BBS9: variants seen among roughly 807,000 people sequenced by gnomAD.
BBS9 encodes the protein protein PTHB1.
In BBS9, 89 loss-of-function variants were observed where a neutral mutation model predicts 117.7. That is an observed-to-expected ratio of 0.76 (90% confidence interval 0.64 to 0.90). The LOEUF (loss-of-function observed/expected upper bound fraction) is 0.90, where lower values mean the gene tolerates loss of function less well. Among genes scored for constraint, BBS9 ranks in the 40% least tolerant of loss-of-function variants. BBS9 has a pLI of 0.00. For missense variants in BBS9, 982 were observed against 1,042.2 expected (o/e 0.94, Z 0.80); for synonymous variants, 379 against 370.9 (o/e 1.02, Z -0.25).
At chr7:33,378,706 G>C (rs1482507170) in intron 17 of BBS9, among the ~76,000 whole-genome samples, 1 of 152,230 alleles carries the variant, frequency 6.6e-6, no homozygotes, top group African/African-American at 2.4e-5. Context: ...TGGAGGAAGA[G>C]TTTGGGGCAC....
intron 21 of BBS9, among the ~76,000 whole-genome samples, chr7:33,557,454 A>G (rs1855461895): frequency 6.6e-6 from 1 of 152,216 alleles, no homozygotes. Context: ...TAAAATGCTC[A>G]AAGGTACCAT....
intron 17 of BBS9, among the ~76,000 whole-genome samples, chr7:33,376,113 A>G (rs1270836767): frequency 6.6e-6 from 1 of 151,950 alleles, no homozygotes; most frequent in African/African-American, 2.4e-5. Context: ...TGCTGTACAG[A>G]TTACTTTTCT....
chr7:33,380,261 C>A (rs1824731838), intron 17 of BBS9: 1 of 175,082 alleles, frequency 5.7e-6, no homozygotes, highest in Non-Finnish European at 1.2e-5. Context: ...CTCCCAACTA[C>A]AAGCTCCACC....
intron 5 of BBS9, among the ~76,000 whole-genome samples, chr7:33,206,139 G>A (rs1786873192): frequency 6.6e-6 from 1 of 152,150 alleles, no homozygotes; most frequent in Non-Finnish European, 1.5e-5. Flanking sequence ...GAGCAAACCA[G>A]TCCCCAAATC....
At chr7:33,624,098 A>G (rs1005797894) in intron 21 of BBS9, among the ~76,000 whole-genome samples, 1 of 152,208 alleles carries the variant, frequency 6.6e-6, no homozygotes, top group Non-Finnish European at 1.5e-5. Context: ...GATTCTGATA[A>G]ATTTCAGCCC....
intron 21 of BBS9, among the ~76,000 whole-genome samples, chr7:33,596,969 A>C (rs1027046586): frequency 6.6e-6 from 1 of 152,080 alleles, no homozygotes; most frequent in Non-Finnish European, 1.5e-5. Flanking sequence ...AATATTTGAA[A>C]CAACTGGAAA....
downstream of BBS9, among the ~76,000 whole-genome samples, chr7:33,610,902 T>A (rs1864821030): frequency 6.6e-6 from 1 of 152,114 alleles, no homozygotes; most frequent in African/African-American, 2.4e-5. Context: ...TGTGGAGAGA[T>A]GTTTCACCTT....
intron 4 of BBS9, among the ~76,000 whole-genome samples, chr7:33,177,263 TTGTCTAATGG>T (rs1454782426): frequency 1.2e-4 from 19 of 152,146 alleles, no homozygotes; most frequent in Non-Finnish European, 2.8e-4. Context: ...GGGTAATATT[TTGTCTAATGG>T]TGTAATTTAG....
chr7:33,558,356 C>A (rs116030280), intron 21 of BBS9, among the ~76,000 whole-genome samples: 2 of 151,854 alleles, frequency 1.3e-5, no homozygotes, highest in Non-Finnish European at 2.9e-5. Flanking sequence ...GGTGGGGGCA[C>A]GTGAGGTGAG....
intron 5 of BBS9, among the ~76,000 whole-genome samples, chr7:33,193,804 T>G (rs1488931792): frequency 6.6e-6 from 1 of 152,218 alleles, no homozygotes; most frequent in African/African-American, 2.4e-5. Context: ...ACCTGTTATC[T>G]TGGAAGGCTG....
At chr7:33,410,672 C>A (rs978416992) in intron 19 of BBS9, among the ~76,000 whole-genome samples, 9 of 152,146 alleles carry the variant, frequency 5.9e-5, no homozygotes, top group African/African-American at 1.9e-4. Flanking sequence ...TTAAGATCAA[C>A]CCTTCCCTTG....
intron 4 of BBS9, among the ~76,000 whole-genome samples, chr7:33,159,507 G>T (rs1794538141): frequency 1.3e-5 from 2 of 152,130 alleles, no homozygotes; most frequent in South Asian, 4.1e-4. Flanking sequence ...TTTTGGCTTG[G>T]TCTTGTCTGT....
At chr7:33,327,300 A>G (rs182207599) in intron 9 of BBS9, among the ~76,000 whole-genome samples, 38 of 152,342 alleles carry the variant, frequency 2.5e-4, no homozygotes, top group Non-Finnish European at 4.4e-4. Context: ...CCGGAGGATT[A>G]TAAGGTAACA....
chr7:33,267,156 A>G (rs1395090833), intron 7 of BBS9, among the ~76,000 whole-genome samples: 1 of 152,160 alleles, frequency 6.6e-6, no homozygotes, highest in Non-Finnish European at 1.5e-5. Context: ...CCTTTACATT[A>G]TGAAATGACC....
intron 1 of BBS9, among the ~76,000 whole-genome samples, chr7:33,143,114 C>T (rs777702309): frequency 1.3e-4 from 20 of 151,990 alleles, no homozygotes; most frequent in Non-Finnish European, 1.8e-4. Context: ...GGACTACAGG[C>T]GCCTGCCACC....
intron 1 of BBS9, among the ~76,000 whole-genome samples, chr7:33,130,422 A>T (rs1456614454): frequency 6.6e-6 from 1 of 152,168 alleles, no homozygotes; most frequent in Non-Finnish European, 1.5e-5. Flanking sequence ...TCCTCTTGTT[A>T]CTTGGAGACC....
intron 17 of BBS9, chr7:33,380,869 C>T (rs1469924926): frequency 1.3e-5 from 2 of 152,226 alleles, no homozygotes; most frequent in Non-Finnish European, 2.9e-5. Flanking sequence ...CCAAACTCAG[C>T]TCCCCCTAGA....
intron 21 of BBS9, among the ~76,000 whole-genome samples, chr7:33,629,274 C>G (rs184235493): frequency 1.3e-5 from 2 of 152,200 alleles, no homozygotes; most frequent in African/African-American, 4.8e-5. Flanking sequence ...CAAAGAATGT[C>G]ATTTACATAA....
At chr7:33,314,703 G>C (rs1278747141) in intron 9 of BBS9, 2 of 152,426 alleles carry the variant, frequency 1.3e-5, no homozygotes, top group East Asian at 3.8e-4. Flanking sequence ...ATGTCATCCT[G>C]TCTGGCATTG....
Sources: gnomAD v4.1 joint callset for allele counts (sites outside exome capture counted in the v4.1 genomes callset) on GRCh38, gnomAD v4.1.1 for gene constraint, MANE v1.5 for transcripts, NCBI Gene and HGNC (gene_info 2026-07-23, HGNC 2026-07-21) for gene names.